Variants in LZTS2 observed in about 807,000 individuals in gnomAD.
LZTS2 encodes the protein leucine zipper putative tumor suppressor 2.
A neutral mutation model predicts 60.6 loss-of-function variants in LZTS2; 32 were observed. The observed-to-expected ratio is 0.53, with a 90% CI of 0.40 to 0.71. The LOEUF (loss-of-function observed/expected upper bound fraction) is 0.71, where lower values mean the gene tolerates loss of function less well. LZTS2 is among the 30% of genes least tolerant of loss of function. LZTS2 has a pLI of 0.00. For missense variants in LZTS2, 792 were observed against 901.9 expected (o/e 0.88, Z 1.56); for synonymous variants, 360 against 393.1 (o/e 0.92, Z 1.00).
chr10:100,999,233 T>C (rs10883568), upstream of LZTS2, among the ~76,000 whole-genome samples: 35 of 152,214 alleles, frequency 2.3e-4, no homozygotes, highest in East Asian at 1.7e-3. Context: ...GCCCGCGTGT[T>C]GGGGGCGGCT....
chr10:101,003,991 C>G, exon 2 of LZTS2: 1 of 1,612,894 alleles, frequency 6.2e-7, no homozygotes, highest in Non-Finnish European at 8.5e-7. Flanking sequence ...GGCAGTGGTA[C>G]TCGGGCCTCC....
At chr10:101,004,949 C>T (rs758915487) in intron 2 of LZTS2, among the ~76,000 whole-genome samples, 6 of 152,312 alleles carry the variant, frequency 3.9e-5, no homozygotes, top group Non-Finnish European at 5.9e-5. Context: ...TCACCTGCCT[C>T]GGCCTCCCAA....
chr10:101,002,804 C>T lies in LZTS2; in HGVS notation c.266C>T (p.Thr89Ile), dbSNP rs144020547. Residue 89 changes from threonine (T) to isoleucine (I), a missense_variant, in exon 1 of 4, where the codon ACC becomes ATC. Physicochemically the swap from Thr to Ile is moderately conservative, Grantham distance 89. Transcript: ENST00000370220. ...AAGGCTGTCCCTGTCACCAGCTTCACCTACATCAATGAGGACTTCCGGACA... is the reference window on the plus strand; with the variant it reads ...AAGGCTGTCCCTGTCACCAGCTTCATCTACATCAATGAGGACTTCCGGACA... The T allele has an allele frequency of 4.3e-5, 69 of 1,613,796 alleles. No individual in the cohort carries two copies. Among genetic ancestry groups the T allele is most frequent in the Middle Eastern group, 1.6e-4 (1 of 6,084 alleles).
At chr10:101,001,842 G>T (rs1472671835) in exon 1 of LZTS2, 1 of 152,290 alleles carries the variant, frequency 6.6e-6, no homozygotes, top group Non-Finnish European at 1.5e-5. Context: ...CAGAGGCTAG[G>T]AGTTGTCATG....
intron 2 of LZTS2, 24 bp from the exon 4 acceptor site, chr10:101,005,434 C>A: frequency 2.0e-6 from 3 of 1,524,434 alleles, no homozygotes; most frequent in Non-Finnish European, 2.6e-6. Flanking sequence ...TGCCCAGGAG[C>A]CAGGTCTCTC....
intron 2 of LZTS2, among the ~76,000 whole-genome samples, chr10:101,004,855 T>A (rs1336439865): frequency 6.6e-6 from 1 of 152,092 alleles, no homozygotes; most frequent in African/African-American, 2.4e-5. Context: ...TTTTTTAAAA[T>A]TTTTTATTAT....
chr10:101,006,635 C>G, exon 4 of LZTS2: 1 of 1,593,228 alleles, frequency 6.3e-7, no homozygotes, highest in Non-Finnish European at 8.5e-7. Context: ...GGGCCGTGCG[C>G]GGGGTCTACA....
exon 1 of LZTS2, chr10:100,999,766 G>C (rs1450113512): frequency 1.3e-5 from 2 of 151,016 alleles, no homozygotes; most frequent in Admixed American, 1.3e-4. Flanking sequence ...CTCGCACCGG[G>C]CGGGGGCTGG....
At chr10:101,003,390 C>A in intron 1 of LZTS2, 117 bp from the exon 3 acceptor site, 1 of 1,112,580 alleles carries the variant, frequency 9.0e-7, no homozygotes, top group Non-Finnish European at 1.2e-6. Flanking sequence ...CACCAGTGGC[C>A]GCAATTGTTA....
exon 1 of LZTS2, chr10:101,001,057 C>G (rs925233793): frequency 6.6e-6 from 1 of 152,320 alleles, no homozygotes; most frequent in Admixed American, 6.5e-5. Flanking sequence ...AGGCTCCCCC[C>G]ACCAATGGGC....
chr10:101,003,474 T>A, intron 1 of LZTS2, 33 bp from the exon 3 acceptor site: 1 of 1,510,706 alleles, frequency 6.6e-7, no homozygotes, highest in Non-Finnish European at 8.9e-7. Context: ...ATTGGGCAGC[T>A]CATCTCCAGT....
intron 1 of LZTS2, chr10:101,003,247 A>C: frequency 1.9e-6 from 1 of 522,238 alleles, no homozygotes; most frequent in Non-Finnish European, 3.3e-6. Flanking sequence ...TATACGTTTG[A>C]CTTTGGGCAA....
chr10:101,006,377 G>C, intron 3 of LZTS2, 108 bp from the exon 5 acceptor site: 1 of 1,446,954 alleles, frequency 6.9e-7, no homozygotes, highest in Non-Finnish European at 9.1e-7. Context: ...TCTGTAAAAT[G>C]GGGATAAAGA....
At chr10:101,002,617 G>C (rs1852064147) in exon 1 of LZTS2, 2 of 1,594,308 alleles carry the variant, frequency 1.3e-6, no homozygotes, top group Non-Finnish European at 1.7e-6. Flanking sequence ...TCCAGTCATG[G>C]GTAGTGTGAG....
chr10:101,007,301 C>A, exon 4 of LZTS2: 1 of 1,422,056 alleles, frequency 7.0e-7, no homozygotes, highest in Non-Finnish European at 9.2e-7. Context: ...GGATCCAGGC[C>A]TCTGGGCTTC....
At position 101,006,371 on chromosome 10, in the gene LZTS2, T is replaced by TCC. The variant is rs1453560049; in HGVS notation, c.1327-114_1327-113insCC. The TCC allele has an allele frequency of 1.3e-3, 1,839 of 1,449,096 alleles. 26 individuals are homozygous for TCC. In the African/African-American group the frequency reaches 0.022, roughly 17 times the overall value. 89.8% of individuals were successfully genotyped at this position (1,449,096 alleles called of 1,614,324 possible). ...AGACTTGCTTTAGTGTCTCCATCTGTAAAATGGGGATAAAGATGGACTCTT... is the reference window on the plus strand; with the variant it reads ...AGACTTGCTTTAGTGTCTCCATCTGTCCAAAATGGGGATAAAGATGGACTCTT... On this transcript the variant is annotated intron_variant, in intron 3 of 3. Coordinates refer to ENST00000370220, the Ensembl canonical transcript of LZTS2.
At chr10:101,004,163 C>T in exon 2 of LZTS2, 1 of 1,596,384 alleles carries the variant, frequency 6.3e-7, no homozygotes, top group Non-Finnish European at 8.6e-7. Context: ...CTACCATGTG[C>T]CAGGTGTGGT....
chr10:101,007,438 A>T, exon 4 of LZTS2: 3 of 1,451,938 alleles, frequency 2.1e-6, no homozygotes, highest in Non-Finnish European at 2.7e-6. Context: ...TGCCAGTGCC[A>T]CTGCCAACCC....
At chr10:101,007,563 T>C (rs1181541133) in exon 4 of LZTS2, 1 of 1,305,696 alleles carries the variant, frequency 7.7e-7, no homozygotes, top group Admixed American at 2.3e-5. Context: ...TGGCACCAGC[T>C]GCTCCGGATG....
Sources: gnomAD v4.1 joint callset for allele counts (sites outside exome capture counted in the v4.1 genomes callset) on GRCh38, gnomAD v4.1.1 for gene constraint, MANE v1.5 for transcripts, NCBI Gene and HGNC (gene_info 2026-07-23, HGNC 2026-07-21) for gene names.